The following CRTC1 variants were observed in gnomAD, a reference collection of about 807,000 sequenced individuals.
CRTC1 encodes CREB regulated transcription coactivator 1.
A neutral mutation model predicts 66.1 loss-of-function variants in CRTC1; 18 were observed. The ratio of observed to expected loss-of-function variants is 0.27; its 90% CI spans 0.19 to 0.40. The LOEUF (loss-of-function observed/expected upper bound fraction) is 0.40, where lower values mean the gene tolerates loss of function less well. Among genes scored for constraint, CRTC1 ranks in the 10% least tolerant of loss-of-function variants. CRTC1 has a pLI of 1.00. For missense variants in CRTC1, 669 were observed against 887.9 expected, an observed-to-expected ratio of 0.75 and a Z score of 3.13; for synonymous variants, 416 against 398.8, an observed-to-expected ratio of 1.04 and a Z score of -0.51.
At position 18,768,414 on chromosome 19, in the gene CRTC1, C is replaced by T; in HGVS notation, c.1012-71C>T. ...CACCTCGCCTGCTGAGCATGCCAGGCTATGGGGGCCCGAGGGGGCCAGGCG... is the reference window on the plus strand; with the variant it reads ...CACCTCGCCTGCTGAGCATGCCAGGTTATGGGGGCCCGAGGGGGCCAGGCG... On this transcript the variant is annotated intron_variant, in intron 9 of 13. Coordinates refer to ENST00000321949, the MANE Select transcript of CRTC1 (RefSeq NM_015321.3). The surrounding 1 kb of genome is among the most constrained non-coding windows in gnomAD (Gnocchi z 5.6). 7.4e-7 allele frequency: 1 copy of T among 1,347,870 alleles called. No homozygotes were observed. Among genetic ancestry groups the T allele is most frequent in the East Asian group, 2.4e-5 (1 of 42,078 alleles). The allele number at this position is 1,347,870 out of a possible 1,614,324, so 83.5% of individuals were successfully genotyped here. A position where few individuals can be genotyped will look rare whatever the true frequency, so the allele number is the denominator to read the frequency against.
Position 18,777,759 on chromosome 19 carries a change from C to T in CRTC1, c.*377C>T, listed in dbSNP as rs182030575. 51 of 334,036 alleles carry T rather than the reference C, an allele frequency of 1.5e-4. No individual in the cohort carries two copies. The highest frequency in any genetic ancestry group is 9.8e-4 in the African/African-American group (45 of 46,110). 20.7% of individuals were successfully genotyped at this position (334,036 alleles called of 1,614,324 possible). ...GCTCAGGGGAGGGGCGCGCATGGTC[C>T]GCCAGGGCTGTGGGCCGTGGCGCAT... is the stretch of plus-strand genomic sequence containing the variant. On this transcript the variant is annotated 3_prime_UTR_variant, in exon 14 of 14. Coordinates refer to ENST00000321949, the MANE Select transcript of CRTC1 (RefSeq NM_015321.3). The surrounding 1 kb of genome is among the most constrained non-coding windows in gnomAD (Gnocchi z 5.5).
intron 1 of CRTC1, among the ~76,000 whole-genome samples, chr19:18,738,659 G>T: frequency 6.6e-6 from 1 of 152,206 alleles, no homozygotes; most frequent in Admixed American, 6.5e-5. Context: ...AAAATTGTCT[G>T]AGTGTGGTGG....
At chr19:18,748,569 TCA>T (rs2054296292) in intron 4 of CRTC1, among the ~76,000 whole-genome samples, 1 of 142,928 alleles carries the variant, frequency 7.0e-6, no homozygotes, top group African/African-American at 2.5e-5. Context: ...GCACAGTGGC[TCA>T]CACCTGTAAT....
In CRTC1 at chr19:18,771,459, G is replaced by A. The variant is rs149353978; in HGVS notation, c.1338G>A (p.Gln446=). ...CATCGCAGGCGCCGGCTCTGCAGCA[G>A]TACCGCACTAGCGCCGGCTCCCCGG... ...IDIASAPALQ[Q]YRTSAGSPAN... is the part of the protein sequence containing the mutation. The change falls in exon 11 of 14, where the codon CAG becomes CAA. Residue 446 remains glutamine (Q), a synonymous_variant. Coordinates refer to ENST00000321949, the MANE Select transcript of CRTC1 (RefSeq NM_015321.3). This position sits in a 1 kb window ranked among gnomAD's most constrained non-coding sequence, Gnocchi z 4.6. The A allele has an allele frequency of 6.2e-6, 10 of 1,613,286 alleles. No individual in the cohort carries two copies. In the African/African-American group the frequency reaches 9.4e-5, roughly 15 times the overall value.
At chr19:18,740,244 C>T (rs112314271) in intron 1 of CRTC1, among the ~76,000 whole-genome samples, 1,631 of 151,232 alleles carry the variant, frequency 0.011, 40 homozygotes, top group African/African-American at 0.038. Context: ...CAGAGCTAGA[C>T]TCCATCTTAA....
intron 1 of CRTC1, among the ~76,000 whole-genome samples, chr19:18,715,676 C>T (rs1254898058): frequency 6.6e-6 from 1 of 152,228 alleles, no homozygotes; most frequent in Non-Finnish European, 1.5e-5. Flanking sequence ...CCCTGCTTCT[C>T]AGTGTGTGGA....
chr19:18,773,682 C>T lies in CRTC1; in HGVS notation c.1426-1218C>T, dbSNP rs149124627. Among the ~76,000 whole-genome samples the T allele has an allele frequency of 1.3e-4, 20 of 152,344 alleles. No individual in the cohort carries two copies. The East Asian group carries it at 3.9e-3, about 29-fold the overall frequency. Reference sequence around the variant, plus strand: ...AACCTGAAGCCGTTGATTTTTAGGGCCAAGATAGCATTTTTGCCACACGTG... The same window carrying T: ...AACCTGAAGCCGTTGATTTTTAGGGTCAAGATAGCATTTTTGCCACACGTG... On this transcript the variant is annotated intron_variant, in intron 11 of 13. Transcript: ENST00000321949.
chr19:18,760,068 AGGG>A lies in CRTC1; in HGVS notation c.730_732del (p.Gly244del). The A allele has an allele frequency of 6.2e-7, 1 of 1,613,130 alleles. No individual in the cohort carries two copies. The highest frequency in any genetic ancestry group is 8.5e-7 in the Non-Finnish European group (1 of 1,179,518). ...CCCTGATCCCCGCCACCCACAACACAGGGGGGTCCCTGCCCGACCTGACCAACA... is the reference window on the plus strand; with the variant it reads ...CCCTGATCCCCGCCACCCACAACACAGGGTCCCTGCCCGACCTGACCAACA... On this transcript the variant is annotated inframe_deletion, in exon 8 of 14. Coordinates refer to ENST00000321949, the MANE Select transcript of CRTC1 (RefSeq NM_015321.3). The surrounding 1 kb of genome is among the most constrained non-coding windows in gnomAD (Gnocchi z 6.2).
chr19:18,764,458 G>A lies in CRTC1; in HGVS notation c.887-946G>A, dbSNP rs138664509. 5.3e-5 allele frequency among the ~76,000 whole-genome samples: 8 copies of A among 152,346 alleles called. No individual in the cohort carries two copies. In the East Asian group the frequency reaches 1.5e-3, roughly 29 times the overall value. On this transcript the variant is annotated intron_variant, in intron 8 of 13. Transcript: ENST00000321949. The stretch of plus-strand genomic sequence containing the variant: ...CATCGAGGGGCCTGTTGCCTGCCTG[G>A]CATGGTGCCCACAATAACCCAGCCA...
chr19:18,743,913 C>T (rs1331139165), intron 2 of CRTC1, among the ~76,000 whole-genome samples: 2 of 152,148 alleles, frequency 1.3e-5, no homozygotes, highest in Non-Finnish European at 2.9e-5. Context: ...CCTGTTTCTC[C>T]TGTCCCCTCT....
chr19:18,719,112 A>G (rs1180226737), intron 1 of CRTC1, among the ~76,000 whole-genome samples: 1 of 152,118 alleles, frequency 6.6e-6, no homozygotes. Flanking sequence ...GGAAGTGATC[A>G]TGGGAGTGAT....
intron 6 of CRTC1, among the ~76,000 whole-genome samples, chr19:18,758,708 C>T (rs2054547836): frequency 6.6e-6 from 1 of 152,196 alleles, no homozygotes; most frequent in Non-Finnish European, 1.5e-5. Context: ...GGGGCAGTGA[C>T]CTCTGAACTG....
chr19:18,777,612 G>A lies in CRTC1; in HGVS notation c.*230G>A, dbSNP rs1400595004. 5 of 527,872 alleles carry A rather than the reference G, an allele frequency of 9.5e-6. No individual in the cohort carries two copies. The highest frequency in any genetic ancestry group is 3.8e-5 in the Admixed American group (1 of 26,090). The allele number at this position is 527,872 out of a possible 1,614,324, so 32.7% of individuals were successfully genotyped here. A position where few individuals can be genotyped will look rare whatever the true frequency, so the allele number is the denominator to read the frequency against. On this transcript the variant is annotated 3_prime_UTR_variant, in exon 14 of 14. Transcript: ENST00000321949. This position sits in a 1 kb window ranked among gnomAD's most constrained non-coding sequence, Gnocchi z 5.5. ...GCCCGCCCAGGGCTGGGCTGGGATCGGAGGCCGTGAGCCTCCCGCCCCTGC... is the reference window on the plus strand; with the variant it reads ...GCCCGCCCAGGGCTGGGCTGGGATCAGAGGCCGTGAGCCTCCCGCCCCTGC...
intron 2 of CRTC1, 113 bp from the exon 3 acceptor site, chr19:18,745,710 G>C: frequency 7.4e-7 from 1 of 1,354,742 alleles, no homozygotes; most frequent in Non-Finnish European, 1.0e-6. Flanking sequence ...GATGGCCGAG[G>C]GTGCTCCAGA....
chr19:18,765,690 G>A (rs1020832631), intron 9 of CRTC1, among the ~76,000 whole-genome samples, 162 bp downstream of exon 9: 3 of 152,316 alleles, frequency 2.0e-5, no homozygotes, highest in East Asian at 3.9e-4. Flanking sequence ...GCCGGGTGCC[G>A]TAGCTCATGC....
intron 8 of CRTC1, among the ~76,000 whole-genome samples, chr19:18,763,871 G>A (rs970071881): frequency 6.6e-6 from 1 of 152,218 alleles, no homozygotes; most frequent in Non-Finnish European, 1.5e-5. Flanking sequence ...GCACGAAGTG[G>A]CGGACACTCA....
intron 1 of CRTC1, among the ~76,000 whole-genome samples, chr19:18,705,967 C>CT (rs71336689): frequency 0.18 from 21,467 of 122,148 alleles, 2,013 homozygotes; most frequent in African/African-American, 0.24. Flanking sequence ...CTCTCTCTCT[C>CT]TTTTTTTTTT....
intron 1 of CRTC1, among the ~76,000 whole-genome samples, chr19:18,694,945 A>G (rs534941239): frequency 2.7e-5 from 4 of 150,510 alleles, no homozygotes; most frequent in African/African-American, 9.8e-5. Context: ...ATCTTGGCTC[A>G]CTGCAACCTC....
intron 1 of CRTC1, among the ~76,000 whole-genome samples, chr19:18,705,019 A>G (rs2053231972): frequency 6.6e-6 from 1 of 151,536 alleles, no homozygotes; most frequent in Non-Finnish European, 1.5e-5. Flanking sequence ...GACCTCATGT[A>G]AGGAGAATCA....
Sources: gnomAD v4.1 joint callset for allele counts (sites outside exome capture counted in the v4.1 genomes callset) on GRCh38, gnomAD v4.1.1 for gene constraint, Gnocchi (gnomAD v3.1) non-coding constraint, MANE v1.5 for transcripts, NCBI Gene and HGNC (gene_info 2026-07-23, HGNC 2026-07-21) for gene names.